The following TMEM63C variants were observed in gnomAD, a reference collection of about 807,000 sequenced individuals.
TMEM63C encodes transmembrane protein 63C.
TMEM63C carries 32 observed loss-of-function variants against 99.2 expected under a neutral mutation model. The ratio of observed to expected loss-of-function variants is 0.32; its 90% CI spans 0.24 to 0.43. TMEM63C has a LOEUF of 0.43. Ranked by LOEUF, TMEM63C falls within the 20% of genes least tolerant of loss-of-function variation. TMEM63C has a pLI of 1.00. For synonymous variants in TMEM63C, 376 were observed against 397.9 expected, an observed-to-expected ratio of 0.94 and a Z score of 0.66; for missense variants, 826 against 1,053.0, an observed-to-expected ratio of 0.78 and a Z score of 2.98.
chr14:77,225,118 A>G lies in TMEM63C; in HGVS notation c.313-306A>G, dbSNP rs187076245. ...AGGACATTTCCAGAAGGAAGCATGA[A>G]GGACAGACAGAGAGCAACAGACGTT... On this transcript the variant is annotated intron_variant, in intron 5 of 23. Coordinates refer to ENST00000298351, the MANE Select transcript of TMEM63C (RefSeq NM_020431.4). Among the ~76,000 whole-genome samples, 54 of 152,354 alleles carry G rather than the reference A, an allele frequency of 3.5e-4. 1 individual carries two copies. Among genetic ancestry groups the G allele is most frequent in the Non-Finnish European group, 6.0e-4 (41 of 68,030 alleles).
intron 15 of TMEM63C, among the ~76,000 whole-genome samples, chr14:77,243,974 G>A (rs1386901790): frequency 6.6e-6 from 1 of 152,074 alleles, no homozygotes; most frequent in Non-Finnish European, 1.5e-5. Flanking sequence ...CAGACCCCAC[G>A]CATCCTGGGA....
At position 77,243,002 on chromosome 14, in the gene TMEM63C, C is replaced by T. The variant is rs1318085728; in HGVS notation, c.1287C>T (p.Ile429=). ...TCTTCTTTCTCACCACGCCTGCCAT[C>T]ATCATGAACACTATCGACATGTACA... The part of the protein sequence containing the change: ...FLFFFLTTPA[I]IMNTIDMYNV... The change falls in exon 15 of 24, where the codon ATC becomes ATT. Residue 429 remains isoleucine, a synonymous_variant. Coordinates refer to ENST00000298351, the MANE Select transcript of TMEM63C (RefSeq NM_020431.4). 1.2e-6 allele frequency: 2 copies of T among 1,614,018 alleles called. No homozygotes were observed. The highest frequency in any genetic ancestry group is 2.2e-5 in the East Asian group (1 of 44,876).
At chr14:77,222,224 T>C (rs1888735929) in intron 5 of TMEM63C, among the ~76,000 whole-genome samples, 1 of 152,208 alleles carries the variant, frequency 6.6e-6, no homozygotes, top group Admixed American at 6.5e-5. Flanking sequence ...ACCCACCTGT[T>C]CCTCTGACCT....
intron 21 of TMEM63C, among the ~76,000 whole-genome samples, chr14:77,249,945 C>G (rs2140131781): frequency 6.6e-6 from 1 of 152,312 alleles, no homozygotes; most frequent in Middle Eastern, 3.4e-3. Context: ...AGCAATTCTG[C>G]CACTTCCCCC....
intron 16 of TMEM63C, among the ~76,000 whole-genome samples, chr14:77,244,925 C>G (rs1889241907): frequency 6.6e-6 from 1 of 152,240 alleles, no homozygotes. Context: ...TTTACCCAAT[C>G]AGGAGCGTTC....
intron 15 of TMEM63C, among the ~76,000 whole-genome samples, chr14:77,243,997 T>C (rs1231715726): frequency 6.6e-6 from 1 of 152,102 alleles, no homozygotes; most frequent in East Asian, 1.9e-4. Flanking sequence ...GCCACAGCTC[T>C]CCCTGGGGAC....
chr14:77,184,447 C>T (rs1224445252), intron 1 of TMEM63C, among the ~76,000 whole-genome samples: 1 of 152,186 alleles, frequency 6.6e-6, no homozygotes, highest in Non-Finnish European at 1.5e-5. Context: ...ATTCCACGAC[C>T]TCTGCTCTGA....
intron 1 of TMEM63C, among the ~76,000 whole-genome samples, chr14:77,193,787 T>A (rs188066006): frequency 6.6e-6 from 1 of 151,424 alleles, no homozygotes; most frequent in Non-Finnish European, 1.5e-5. Context: ...TAAGCAGAGA[T>A]TGCGCCACTG....
At chr14:77,232,277 TTTTA>T (rs1888956934) in intron 7 of TMEM63C, among the ~76,000 whole-genome samples, 1 of 152,022 alleles carries the variant, frequency 6.6e-6, no homozygotes, top group East Asian at 1.9e-4. Flanking sequence ...TTATTTTATA[TTTTA>T]TTTATTTATT....
intron 1 of TMEM63C, among the ~76,000 whole-genome samples, chr14:77,182,155 C>G (rs1887924947): frequency 6.6e-6 from 1 of 152,138 alleles, no homozygotes; most frequent in Non-Finnish European, 1.5e-5. Flanking sequence ...GACCGGTCTT[C>G]ACTGGGTTGG....
intron 6 of TMEM63C, 109 bp from the exon 7 acceptor site, chr14:77,231,479 A>C (rs1888939329): frequency 3.1e-6 from 4 of 1,291,850 alleles, no homozygotes; most frequent in Non-Finnish European, 4.2e-6. Context: ...AAAAAAAAAA[A>C]AAACTTGGGG....
chr14:77,228,541 T>TC (rs1555348196), intron 6 of TMEM63C, among the ~76,000 whole-genome samples: 1 of 62,954 alleles, frequency 1.6e-5, no homozygotes, highest in East Asian at 1.1e-3. Context: ...AAAATAAATC[T>TC]TTTTTTTTTT....
intron 9 of TMEM63C, among the ~76,000 whole-genome samples, chr14:77,237,766 C>A (rs997586679): frequency 6.6e-6 from 1 of 152,184 alleles, no homozygotes; most frequent in African/African-American, 2.4e-5. Flanking sequence ...CGGGGGGCCA[C>A]GGGCAGGCAC....
intron 6 of TMEM63C, among the ~76,000 whole-genome samples, chr14:77,229,977 A>G (rs1594861777): frequency 6.6e-6 from 1 of 151,972 alleles, no homozygotes. Flanking sequence ...AGGCAGGCGG[A>G]TCCCCTGAGC....
Position 77,239,622 on chromosome 14 carries a change from C to A in TMEM63C, c.826C>A (p.Arg276=). ...DDQRRHAMRG[R]LFYTAKAKKT... is the part of the protein sequence containing the mutation. The stretch of plus-strand genomic sequence containing the variant: ...TGGCAGGCGCCATGCCATGCGGGGC[C>A]GGCTTTTCTATACAGCCAAGGCCAA... Residue 276 remains arginine (R), a synonymous_variant, in exon 12 of 24, where the codon CGG becomes AGG. Coordinates refer to ENST00000298351, the MANE Select transcript of TMEM63C (RefSeq NM_020431.4). The A allele has an allele frequency of 3.1e-6, 5 of 1,613,324 alleles. No homozygotes were observed. The highest frequency in any genetic ancestry group is 1.1e-5 in the South Asian group (1 of 91,032).
At position 77,256,625 on chromosome 14, in the gene TMEM63C, G is replaced by A. The variant is rs376169418; in HGVS notation, c.2320G>A (p.Glu774Lys). ...TGGCACCATGAACAACCAGCCGGAA[G>A]AGGGAGAAGAAGAGAGTGGTCTGAG... The part of the protein sequence containing the change: ...TYGTMNNQPE[E>K]GEEESGLRGF... The change falls in exon 24 of 24, where the codon GAG becomes AAG. Residue 774 changes from glutamate (E) to lysine (K), a missense_variant. Physicochemically the swap from Glu to Lys is moderately conservative, Grantham distance 56. Coordinates refer to ENST00000298351, the MANE Select transcript of TMEM63C (RefSeq NM_020431.4). 10 of 1,614,066 alleles carry A rather than the reference G, an allele frequency of 6.2e-6. No homozygotes were observed. Among genetic ancestry groups the A allele is most frequent in the Non-Finnish European group, 8.5e-6 (10 of 1,179,892 alleles).
intron 2 of TMEM63C, among the ~76,000 whole-genome samples, 199 bp from the exon 3 acceptor site, chr14:77,218,602 C>T (rs1594857156): frequency 6.6e-6 from 1 of 152,334 alleles, no homozygotes; most frequent in East Asian, 1.9e-4. Context: ...GTCATCCCGG[C>T]CTTGGGTTTG....
chr14:77,242,715 C>T (rs6574362), intron 14 of TMEM63C, among the ~76,000 whole-genome samples, 188 bp from the exon 15 acceptor site: 41 of 151,772 alleles, frequency 2.7e-4, no homozygotes, highest in African/African-American at 9.9e-4. Flanking sequence ...TTTTTTGGCT[C>T]TATGCTCTGG....
In TMEM63C at chr14:77,251,856, T is replaced by G; in HGVS notation, c.2106T>G (p.Val702=). Residue 702 remains valine, a synonymous_variant, in exon 22 of 24, where the codon GTT becomes GTG. Coordinates refer to ENST00000298351, the MANE Select transcript of TMEM63C (RefSeq NM_020431.4). The stretch of plus-strand genomic sequence containing the variant: ...TCATTGCCATGGTGATTGCCTTTGT[T>G]GGCATTTTTCTGGGGAAGCTTCGGA... ...TLLIAMVIAF[V]GIFLGKLRMV... is the part of the protein sequence containing the mutation. 6.2e-7 allele frequency: 1 copy of G among 1,614,038 alleles called. No individual in the cohort carries two copies. Among genetic ancestry groups the G allele is most frequent in the Non-Finnish European group, 8.5e-7 (1 of 1,179,892 alleles).
Sources: allele counts gnomAD v4.1 joint callset (sites outside exome capture counted in the v4.1 genomes callset), GRCh38; gene constraint gnomAD v4.1.1; transcripts MANE v1.5; gene names NCBI Gene and HGNC (gene_info 2026-07-23, HGNC 2026-07-21).